Variants in L3MBTL4 observed in about 807,000 individuals in gnomAD.
L3MBTL4 encodes the protein lethal(3)malignant brain tumor-like protein 4.
A neutral mutation model predicts 84.5 loss-of-function variants in L3MBTL4; 70 were observed. The observed-to-expected ratio is 0.83, with a 90% confidence interval of 0.68 to 1.01. The LOEUF (loss-of-function observed/expected upper bound fraction) is 1.01, where lower values mean the gene tolerates loss of function less well. L3MBTL4 is among the 50% of genes least tolerant of loss of function. The pLI, the probability that L3MBTL4 is intolerant of heterozygous loss-of-function variation, is 0.00. For missense variants in L3MBTL4, 715 were observed against 754.8 expected (o/e 0.95, Z 0.62); for synonymous variants, 274 against 259.8 (o/e 1.05, Z -0.52).
intron 12 of L3MBTL4, among the ~76,000 whole-genome samples, chr18:6,181,403 G>A (rs924420676): frequency 2.0e-5 from 3 of 151,854 alleles, no homozygotes; most frequent in African/African-American, 4.8e-5. Flanking sequence ...TCAGCTCACT[G>A]CAACCTCTGT....
chr18:6,351,941 C>T (rs895933098), intron 1 of L3MBTL4, among the ~76,000 whole-genome samples: 1 of 152,092 alleles, frequency 6.6e-6, no homozygotes, highest in Non-Finnish European at 1.5e-5. Context: ...CTGCCTCAGC[C>T]CCACAAAGTG....
At chr18:6,138,448 T>A (rs912519927) in intron 13 of L3MBTL4, 152 bp from the exon 14 acceptor site, 1 of 557,376 alleles carries the variant, frequency 1.8e-6, no homozygotes, top group African/African-American at 1.9e-5. Context: ...GTATTATTAA[T>A]ATTAAATTAT....
intron 10 of L3MBTL4, among the ~76,000 whole-genome samples, chr18:6,237,614 C>T (rs1404429582): frequency 6.6e-6 from 1 of 151,756 alleles, no homozygotes; most frequent in Non-Finnish European, 1.5e-5. Context: ...CACCACCACA[C>T]CCAGCTAATT....
At chr18:6,135,474 G>A (rs1192629940) in intron 14 of L3MBTL4, among the ~76,000 whole-genome samples, 2 of 152,098 alleles carry the variant, frequency 1.3e-5, no homozygotes, top group African/African-American at 2.4e-5. Context: ...TTTAAAATGG[G>A]ATGCTTTTAA....
intron 16 of L3MBTL4, among the ~76,000 whole-genome samples, chr18:6,066,121 T>C (rs920658721): frequency 1.3e-5 from 2 of 152,124 alleles, no homozygotes; most frequent in African/African-American, 2.4e-5. Flanking sequence ...AACCAAAAAT[T>C]ATTCAAGAGC....
chr18:6,043,569 G>A (rs993378046), intron 16 of L3MBTL4, among the ~76,000 whole-genome samples: 2 of 152,108 alleles, frequency 1.3e-5, no homozygotes, highest in African/African-American at 4.8e-5. Flanking sequence ...AGGCTCTTAA[G>A]AGCCTCCTAT....
At chr18:6,184,545 C>A (rs975032501) in intron 12 of L3MBTL4, among the ~76,000 whole-genome samples, 1 of 152,216 alleles carries the variant, frequency 6.6e-6, no homozygotes, top group African/African-American at 2.4e-5. Context: ...CAATTACCAA[C>A]ATTGTTATTC....
intron 1 of L3MBTL4, among the ~76,000 whole-genome samples, chr18:6,337,514 T>C (rs978099331): frequency 6.6e-6 from 1 of 152,018 alleles, no homozygotes; most frequent in African/African-American, 2.4e-5. Flanking sequence ...ATGCATACCA[T>C]ATAATGCTAT....
At chr18:6,168,630 A>G (rs1034535329) in intron 13 of L3MBTL4, among the ~76,000 whole-genome samples, 17 of 152,178 alleles carry the variant, frequency 1.1e-4, no homozygotes, top group Non-Finnish European at 1.9e-4. Context: ...CCATATGTAG[A>G]AAGCTGAAAC....
intron 16 of L3MBTL4, among the ~76,000 whole-genome samples, chr18:6,012,194 G>A (rs1355356993): frequency 6.6e-6 from 1 of 152,018 alleles, no homozygotes; most frequent in Non-Finnish European, 1.5e-5. Flanking sequence ...CAGAAAACAC[G>A]GAGTGAAGAT....
rs777271291 is a variant in L3MBTL4 at position 6,009,600 on chromosome 18, T to C, written c.1445-40038A>G. On this transcript the variant is annotated intron_variant, in intron 16 of 18. Coordinates refer to ENST00000317931, the MANE Select transcript of L3MBTL4 (RefSeq NM_001330559.2). ...TCCCTTATATAAAATGGTGTGTATCTGCACACAACCTATGCACACCCTCCC... is the reference window on the plus strand; with the variant it reads ...TCCCTTATATAAAATGGTGTGTATCCGCACACAACCTATGCACACCCTCCC... 6.5e-4 allele frequency among the ~76,000 whole-genome samples: 99 copies of C among 152,336 alleles called. 1 individual carries two copies. In the Middle Eastern group the frequency reaches 0.01, roughly 16 times the overall value.
intron 12 of L3MBTL4, among the ~76,000 whole-genome samples, chr18:6,202,735 A>G (rs2045700381): frequency 6.6e-6 from 1 of 152,128 alleles, no homozygotes; most frequent in Non-Finnish European, 1.5e-5. Context: ...AATTTGGTAG[A>G]TCAGGCTACC....
At chr18:6,064,945 C>T (rs1322245277) in intron 16 of L3MBTL4, among the ~76,000 whole-genome samples, 1 of 151,922 alleles carries the variant, frequency 6.6e-6, no homozygotes, top group African/African-American at 2.4e-5. Flanking sequence ...AGGGGGAATG[C>T]TTTAAACTCT....
At chr18:6,350,297 A>G (rs1377078040) in intron 1 of L3MBTL4, among the ~76,000 whole-genome samples, 1 of 152,196 alleles carries the variant, frequency 6.6e-6, no homozygotes, top group East Asian at 1.9e-4. Context: ...AACAATACCA[A>G]GAGAGTGGAA....
chr18:6,126,204 T>C (rs2059689187), intron 14 of L3MBTL4, among the ~76,000 whole-genome samples: 1 of 152,246 alleles, frequency 6.6e-6, no homozygotes, highest in African/African-American at 2.4e-5. Flanking sequence ...AAGTGGTTTT[T>C]ATTTATTTTT....
intron 17 of L3MBTL4, among the ~76,000 whole-genome samples, chr18:5,965,126 T>G (rs2052281766): frequency 6.6e-6 from 1 of 152,202 alleles, no homozygotes; most frequent in South Asian, 2.1e-4. Context: ...ACAATCCTTA[T>G]AACCTATGAA....
chr18:6,223,169 T>A (rs2046633066), intron 10 of L3MBTL4, among the ~76,000 whole-genome samples: 2 of 151,992 alleles, frequency 1.3e-5, no homozygotes, highest in Non-Finnish European at 2.9e-5. Context: ...TTTCATTACC[T>A]CCCAAAATAC....
chr18:6,029,566 C>G, intron 16 of L3MBTL4: 1 of 985,256 alleles, frequency 1.0e-6, no homozygotes, highest in Non-Finnish European at 1.2e-6. Flanking sequence ...ATTGCAGCAA[C>G]AAAAACGATA....
At chr18:6,066,114 C>T (rs1358304653) in intron 16 of L3MBTL4, among the ~76,000 whole-genome samples, 1 of 151,954 alleles carries the variant, frequency 6.6e-6, no homozygotes, top group African/African-American at 2.4e-5. Flanking sequence ...ATTGTTAAAC[C>T]AAAAATTATT....
Sources: allele counts gnomAD v4.1 joint callset (sites outside exome capture counted in the v4.1 genomes callset), GRCh38; gene constraint gnomAD v4.1.1; transcripts MANE v1.5; gene names NCBI Gene and HGNC (gene_info 2026-07-23, HGNC 2026-07-21).